The following NUP160 variants were observed in gnomAD, a reference collection of about 807,000 sequenced individuals.
NUP160 encodes nucleoporin 160, also known as nuclear pore complex protein Nup160.
Under a neutral mutation model 196.9 loss-of-function variants are expected in NUP160, and 94 were observed. That is an observed-to-expected ratio of 0.48 (90% CI 0.40 to 0.57). The LOEUF (loss-of-function observed/expected upper bound fraction) is 0.57, where lower values mean the gene tolerates loss of function less well. Among genes scored for constraint, NUP160 ranks in the 20% least tolerant of loss-of-function variants. The pLI is 0.00. For missense variants in NUP160, 1,638 were observed against 1,748.3 expected (o/e 0.94, Z 1.13); for synonymous variants, 605 against 619.7 (o/e 0.98, Z 0.35).
intron 18 of NUP160, 142 bp downstream of exon 18, chr11:47,808,254 C>A: frequency 2.9e-6 from 2 of 690,930 alleles, no homozygotes; most frequent in South Asian, 2.0e-5. Flanking sequence ...GCACTCCGGC[C>A]TGGGTGAGAG....
chr11:47,817,335 C>G (rs1382393383), intron 11 of NUP160, among the ~76,000 whole-genome samples: 1 of 150,906 alleles, frequency 6.6e-6, no homozygotes, highest in Admixed American at 6.6e-5. Context: ...GAATTTGAAG[C>G]CAAAAACTTT....
chr11:47,848,194 G>T (rs761484982), intron 1 of NUP160, 25 bp downstream of exon 1: 9 of 1,612,322 alleles, frequency 5.6e-6, no homozygotes, highest in Non-Finnish European at 7.6e-6. Flanking sequence ...AGATGGGATC[G>T]CACCCTCCCT....
chr11:47,836,954 C>A lies in NUP160; in HGVS notation c.875G>T (p.Cys292Phe), dbSNP rs369411366. Residue 292 changes from cysteine to phenylalanine, a missense_variant, in exon 6 of 36, where the codon TGT becomes TTT. Transcript: ENST00000378460. ...AAAGATGAAGGCATCATGCTCCACA[C>A]AATGAACAGCAAGACTGAGGGGACG... The A allele has an allele frequency of 6.8e-6, 11 of 1,613,736 alleles. No homozygotes were observed. In the African/African-American group the frequency reaches 1.5e-4, roughly 22 times the overall value.
exon 36 of NUP160, chr11:47,778,242 A>T (rs1435432559): frequency 6.6e-6 from 1 of 152,526 alleles, no homozygotes; most frequent in Non-Finnish European, 1.5e-5. Flanking sequence ...TCCTTAAAAG[A>T]TAAATTTTAA....
At position 47,819,363 on chromosome 11, in the gene NUP160, C is replaced by T. The variant is rs1851807155; in HGVS notation, c.1362+11G>A. The T allele has an allele frequency of 4.5e-6, 7 of 1,553,338 alleles. No homozygotes were observed. In the East Asian group the frequency reaches 1.1e-4, roughly 25 times the overall value. On this transcript the variant is annotated intron_variant, in intron 10 of 35. Transcript: ENST00000378460. ...ATCATTCCCTTATATAACATTTGAG[C>T]ATCTACTTACTCTGGGGTCTTGATC...
At chr11:47,785,043 C>G in exon 33 of NUP160, 1 of 1,577,636 alleles carries the variant, frequency 6.3e-7, no homozygotes, top group South Asian at 1.2e-5. Flanking sequence ...GGATAATAGT[C>G]GCCATGCTTC....
chr11:47,786,669 C>A (rs2097664719), intron 31 of NUP160, 115 bp from the exon 32 acceptor site: 2 of 671,386 alleles, frequency 3.0e-6, no homozygotes, highest in South Asian at 1.7e-5. Context: ...TTGCTGAATT[C>A]ACTACTGGAA....
At chr11:47,801,977 C>T in intron 22 of NUP160, 47 bp from the exon 23 acceptor site, 1 of 1,598,060 alleles carries the variant, frequency 6.3e-7, no homozygotes, top group East Asian at 2.2e-5. Context: ...CATTCAAATT[C>T]TAGGTGCTAT....
chr11:47,824,854 G>C (rs1247289278), intron 7 of NUP160, among the ~76,000 whole-genome samples: 4 of 147,294 alleles, frequency 2.7e-5, no homozygotes, highest in African/African-American at 1.0e-4. Context: ...TTTATTTTTT[G>C]AGATGGAGTC....
chr11:47,830,348 T>A (rs1007600856), intron 7 of NUP160, among the ~76,000 whole-genome samples: 1 of 152,146 alleles, frequency 6.6e-6, no homozygotes, highest in African/African-American at 2.4e-5. Context: ...CACTCAGCAA[T>A]CCCATTACTG....
intron 17 of NUP160, among the ~76,000 whole-genome samples, chr11:47,811,460 G>A (rs1351372014): frequency 2.0e-5 from 3 of 151,210 alleles, no homozygotes; most frequent in Non-Finnish European, 4.4e-5. Flanking sequence ...CTCCAGCCTG[G>A]GCAACAGAGC....
chr11:47,831,390 A>G (rs1238414411), intron 7 of NUP160, among the ~76,000 whole-genome samples: 1 of 152,234 alleles, frequency 6.6e-6, no homozygotes, highest in Non-Finnish European at 1.5e-5. Context: ...AGCAGTATTC[A>G]TAATAGATAA....
chr11:47,803,290 T>A, intron 22 of NUP160, 148 bp downstream of exon 22: 1 of 582,102 alleles, frequency 1.7e-6, no homozygotes, highest in South Asian at 2.4e-5. Context: ...ATGTATATAA[T>A]GCCTTTGACT....
chr11:47,789,475 T>TA (rs145952120), intron 29 of NUP160, among the ~76,000 whole-genome samples: 28 of 150,778 alleles, frequency 1.9e-4, no homozygotes, highest in East Asian at 5.8e-4. Context: ...AAGAACTTGA[T>TA]AAAAAAAAAG....
At chr11:47,794,494 C>G (rs1018389093) in intron 27 of NUP160, among the ~76,000 whole-genome samples, 15 of 151,906 alleles carry the variant, frequency 9.9e-5, no homozygotes, top group Non-Finnish European at 1.8e-4. Context: ...AACAGTTGGG[C>G]ACAGTGGCTC....
rs111402323 is a variant in NUP160, at chr11:47,781,250, A to T, written c.4117-803T>A. Among the ~76,000 whole-genome samples the T allele has an allele frequency of 6.8e-3, 1,037 of 151,998 alleles. 14 individuals are homozygous for T. The highest frequency in any genetic ancestry group is 0.023 in the African/African-American group (960 of 41,490). On this transcript the variant is annotated intron_variant, in intron 34 of 35. Coordinates refer to ENST00000378460, the Ensembl canonical transcript of NUP160. ...AAAAAATAAAAAAATAAAAATAAAA[A>T]ATAATTTCATGTCAACTTTCTTTTT...
chr11:47,786,480 G>A, exon 32 of NUP160: 1 of 1,613,848 alleles, frequency 6.2e-7, no homozygotes, highest in African/African-American at 1.3e-5. Context: ...GATGACAGAT[G>A]AGAGCTGATT....
chr11:47,798,009 A>G (rs1349465903), exon 26 of NUP160: 1 of 1,580,846 alleles, frequency 6.3e-7, no homozygotes, highest in Non-Finnish European at 8.6e-7. Context: ...GGGAAACTCT[A>G]CAAGATCCTG....
At chr11:47,788,244 G>A in exon 31 of NUP160, 1 of 1,613,696 alleles carries the variant, frequency 6.2e-7, no homozygotes, top group Non-Finnish European at 8.5e-7. Flanking sequence ...AGAGTGATAT[G>A]GCAGTGTCAA....
Sources: gnomAD v4.1 joint callset for allele counts (sites outside exome capture counted in the v4.1 genomes callset) on GRCh38, gnomAD v4.1.1 for gene constraint, MANE v1.5 for transcripts, NCBI Gene and HGNC (gene_info 2026-07-23, HGNC 2026-07-21) for gene names.